AMOTL1: variants seen among roughly 807,000 people sequenced by gnomAD.
AMOTL1 encodes the protein angiomotin-like protein 1.
In AMOTL1, 45 loss-of-function variants were observed where a neutral mutation model predicts 102.9. That is an observed-to-expected ratio of 0.44 (90% CI 0.34 to 0.56). The LOEUF is 0.56. AMOTL1 is among the 20% of genes least tolerant of loss of function. AMOTL1 has a pLI of 0.01. For synonymous variants in AMOTL1, 481 were observed against 484.7 expected (o/e 0.99, Z 0.10); for missense variants, 1,114 against 1,225.6 (o/e 0.91, Z 1.36).
At position 94,821,093 on chromosome 11, in the gene AMOTL1, C is replaced by A. The variant is rs576889693; in HGVS notation, c.1122-437C>A. The stretch of plus-strand genomic sequence containing the variant: ...CACTTCTTCACCCGCTCTGTCCAAA[C>A]CACTGGTTCTTGTCTGTCAGTGTGA... On this transcript the variant is annotated intron_variant, in intron 3 of 12. Transcript: ENST00000433060. 3.9e-5 allele frequency among the ~76,000 whole-genome samples: 6 copies of A among 152,294 alleles called. No individual in the cohort carries two copies. The East Asian group carries it at 1.2e-3, about 29-fold the overall frequency.
At chr11:94,846,240 C>A (rs333009) in intron 6 of AMOTL1, among the ~76,000 whole-genome samples, 6,598 of 152,280 alleles carry the variant, frequency 0.043, 450 homozygotes, top group African/African-American at 0.15. Context: ...TGTTAGAGCA[C>A]CTTGTCACAT....
intron 8 of AMOTL1, among the ~76,000 whole-genome samples, chr11:94,856,275 ATTTC>A (rs939748926): frequency 1.7e-4 from 26 of 151,708 alleles, no homozygotes; most frequent in Non-Finnish European, 3.5e-4. Context: ...TTCCTGTAAT[ATTTC>A]TTTATTTTCT....
chr11:94,772,599 T>C (rs1018773804), intron 1 of AMOTL1, among the ~76,000 whole-genome samples: 1 of 152,264 alleles, frequency 6.6e-6, no homozygotes, highest in Non-Finnish European at 1.5e-5. Context: ...ATGGATGTAC[T>C]ATGGTTTGTT....
intron 3 of AMOTL1, chr11:94,820,273 A>G (rs959179984): frequency 3.3e-5 from 5 of 152,354 alleles, no homozygotes; most frequent in African/African-American, 4.8e-5. Context: ...GTTCTCACCT[A>G]GACCACACCT....
intron 3 of AMOTL1, among the ~76,000 whole-genome samples, chr11:94,807,919 A>G (rs930167879): frequency 7.5e-6 from 1 of 132,690 alleles, no homozygotes; most frequent in Non-Finnish European, 1.6e-5. Flanking sequence ...TCTTTGCAGA[A>G]GAGACACAGC....
chr11:94,732,604 T>G (rs1481636390), intron 2 of AMOTL1, among the ~76,000 whole-genome samples: 1 of 152,236 alleles, frequency 6.6e-6, no homozygotes, highest in Non-Finnish European at 1.5e-5. Context: ...GACTGTTGCA[T>G]TACAAGTTGA....
rs554033191 is a variant in AMOTL1, at chr11:94,800,861, C to A, written c.1121+550C>A. 3.3e-5 allele frequency among the ~76,000 whole-genome samples: 5 copies of A among 152,266 alleles called. No homozygotes were observed. In the South Asian group the frequency reaches 1.0e-3, roughly 32 times the overall value. On this transcript the variant is annotated intron_variant, in intron 3 of 12. Coordinates refer to ENST00000433060, the MANE Select transcript of AMOTL1 (RefSeq NM_130847.3). ...GGGCTACACTCAAGTATCCTGACTG[C>A]CAAAATCTATTCACTCCCTTGCCCT...
chr11:94,830,036 GTTCT>G lies in AMOTL1; in HGVS notation c.1414-7_1414-4del. On this transcript the variant is annotated splice_polypyrimidine_tract_variant and intron_variant, in intron 4 of 12. Transcript: ENST00000433060. ...TGTCAAAGGTACCACTTTAATGCCAGTTCTTTCTTTTAGTTTGAAAAAGAACTTC... is the reference window on the plus strand; with the variant it reads ...TGTCAAAGGTACCACTTTAATGCCAGTTCTTTTAGTTTGAAAAAGAACTTC... 1 of 1,583,654 alleles carries G rather than the reference GTTCT, an allele frequency of 6.3e-7. No homozygotes were observed. The highest frequency in any genetic ancestry group is 8.6e-7 in the Non-Finnish European group (1 of 1,167,768).
At chr11:94,823,961 C>A (rs879555155) in intron 4 of AMOTL1, among the ~76,000 whole-genome samples, 9 of 152,046 alleles carry the variant, frequency 5.9e-5, no homozygotes, top group Admixed American at 4.6e-4. Flanking sequence ...CCTCGTGATC[C>A]GCCCACCTCG....
At chr11:94,767,759 A>G (rs1406035145), upstream of AMOTL1, among the ~76,000 whole-genome samples, 1 of 144,496 alleles carries the variant, frequency 6.9e-6, no homozygotes, top group Non-Finnish European at 1.6e-5. Flanking sequence ...ACCTCTACTC[A>G]GGCAGATAAC....
chr11:94,747,901 C>T (rs1950608625), intron 3 of AMOTL1, among the ~76,000 whole-genome samples: 1 of 152,202 alleles, frequency 6.6e-6, no homozygotes, highest in Non-Finnish European at 1.5e-5. Flanking sequence ...CTCACTTCTC[C>T]TCATTTTCCA....
At chr11:94,716,149 G>A (rs2135435560) in intron 1 of AMOTL1, among the ~76,000 whole-genome samples, 1 of 152,054 alleles carries the variant, frequency 6.6e-6, no homozygotes, top group East Asian at 1.9e-4. Flanking sequence ...CTCATCTGGT[G>A]ACTTTTTATT....
At position 94,873,071 on chromosome 11, in the gene AMOTL1, T is replaced by C. The variant is rs907243699; in HGVS notation, c.*2276T>C. 1 of 152,108 alleles carries C rather than the reference T, an allele frequency of 6.6e-6. No individual in the cohort carries two copies. Among genetic ancestry groups the C allele is most frequent in the Non-Finnish European group, 1.5e-5 (1 of 68,022 alleles). The allele number at this position is 152,108 out of a possible 1,614,324, so 9.4% of individuals were successfully genotyped here. A position where few individuals can be genotyped will look rare whatever the true frequency, so the allele number is the denominator to read the frequency against. On this transcript the variant is annotated 3_prime_UTR_variant, in exon 13 of 13. Coordinates refer to ENST00000433060, the MANE Select transcript of AMOTL1 (RefSeq NM_130847.3). The stretch of plus-strand genomic sequence containing the variant: ...CACCCCAAACTTGGGCTGCCTCCCT[T>C]AGACATAGGTTAGAGTGAGAGACCC...
At chr11:94,712,530 G>C (rs955333424) in intron 1 of AMOTL1, among the ~76,000 whole-genome samples, 2 of 151,912 alleles carry the variant, frequency 1.3e-5, no homozygotes, top group African/African-American at 4.8e-5. Flanking sequence ...AAAGAAACTA[G>C]CAACATAGTA....
At chr11:94,850,011 G>C (rs1592032527) in intron 6 of AMOTL1, 103 bp from the exon 7 acceptor site, 1 of 1,326,848 alleles carries the variant, frequency 7.5e-7, no homozygotes, top group Non-Finnish European at 1.0e-6. Context: ...TCCATTATTT[G>C]CATGCTTTTT....
chr11:94,721,847 T>C (rs1950178770), intron 1 of AMOTL1, among the ~76,000 whole-genome samples: 1 of 152,294 alleles, frequency 6.6e-6, no homozygotes, highest in South Asian at 2.1e-4. Flanking sequence ...GCTGGATTGG[T>C]TGGCAACTGT....
chr11:94,825,919 GAGA>G (rs1359008485), intron 4 of AMOTL1, among the ~76,000 whole-genome samples: 3 of 152,220 alleles, frequency 2.0e-5, no homozygotes, highest in African/African-American at 7.2e-5. Flanking sequence ...TTCCAGAGAA[GAGA>G]AGCTCACTAA....
chr11:94,722,513 A>G (rs1379303224), intron 1 of AMOTL1, among the ~76,000 whole-genome samples: 1 of 152,200 alleles, frequency 6.6e-6, no homozygotes, highest in African/African-American at 2.4e-5. Flanking sequence ...AGCATGTGCT[A>G]TGATACCCTA....
intron 1 of AMOTL1, among the ~76,000 whole-genome samples, chr11:94,711,727 A>G (rs1380343824): frequency 1.3e-5 from 2 of 152,114 alleles, no homozygotes; most frequent in Non-Finnish European, 2.9e-5. Flanking sequence ...CAGCATAATA[A>G]TCTTGAGATC....
Sources: allele counts gnomAD v4.1 joint callset (sites outside exome capture counted in the v4.1 genomes callset), GRCh38; gene constraint gnomAD v4.1.1; transcripts MANE v1.5; gene names NCBI Gene and HGNC (gene_info 2026-07-23, HGNC 2026-07-21).